Variants in GLT1D1 observed in about 807,000 individuals in gnomAD.
The protein encoded by GLT1D1 is glycosyltransferase 1 domain containing 1.
GLT1D1 carries 21 observed loss-of-function variants against 28.7 expected under a neutral mutation model. That is an observed-to-expected ratio of 0.73 (90% CI 0.52 to 1.05). The LOEUF (loss-of-function observed/expected upper bound fraction) is 1.05. GLT1D1 is among the 50% of genes least tolerant of loss of function. The probability of loss-of-function intolerance (pLI) is 0.00; values close to 1 mark genes in which losing one functional copy is unlikely to be tolerated. For synonymous variants in GLT1D1, 147 were observed against 124.8 expected (o/e 1.18, Z -1.19); for missense variants, 343 against 330.6 (o/e 1.04, Z -0.29).
intron 4 of GLT1D1, among the ~76,000 whole-genome samples, chr12:128,939,519 C>T (rs765843720): frequency 5.9e-5 from 9 of 151,906 alleles, no homozygotes; most frequent in Admixed American, 3.3e-4. Flanking sequence ...CCCAGGAGTT[C>T]GAGACCAGCC....
chr12:128,928,017 A>AAAAC (rs1555270108), intron 4 of GLT1D1, among the ~76,000 whole-genome samples: 1 of 142,084 alleles, frequency 7.0e-6, no homozygotes, highest in Non-Finnish European at 1.5e-5. Context: ...AAAAAAAAAA[A>AAAAC]AAAAAAAACA....
intron 1 of GLT1D1, among the ~76,000 whole-genome samples, chr12:128,860,188 C>T (rs1457302963): frequency 6.6e-6 from 1 of 152,200 alleles, no homozygotes; most frequent in African/African-American, 2.4e-5. Flanking sequence ...TAGGCTGGCG[C>T]GGTGGCTCAC....
intron 4 of GLT1D1, among the ~76,000 whole-genome samples, chr12:128,906,625 CA>C (rs932876437): frequency 1.8e-4 from 27 of 149,856 alleles, no homozygotes; most frequent in Non-Finnish European, 2.7e-4. Flanking sequence ...CAAATTCAAA[CA>C]AAAAAAAGCA....
chr12:128,967,458 G>A (rs1878564123), intron 7 of GLT1D1, among the ~76,000 whole-genome samples: 1 of 152,186 alleles, frequency 6.6e-6, no homozygotes, highest in African/African-American at 2.4e-5. Flanking sequence ...CGGGAGAGTG[G>A]AGATCATGAC....
At chr12:128,915,112 CTCTG>C in intron 4 of GLT1D1, 123 bp downstream of exon 6, 1 of 732,916 alleles carries the variant, frequency 1.4e-6, no homozygotes. Flanking sequence ...GTTCATTTCC[CTCTG>C]TCTGCGGCTT....
At chr12:128,928,032 A>C (rs1435361998) in intron 4 of GLT1D1, among the ~76,000 whole-genome samples, 4 of 147,348 alleles carry the variant, frequency 2.7e-5, no homozygotes, top group Admixed American at 6.8e-5. Flanking sequence ...AAAACAAAAA[A>C]GAATAGAAAA....
chr12:128,968,083 G>A (rs893734857), intron 7 of GLT1D1, among the ~76,000 whole-genome samples: 9 of 152,158 alleles, frequency 5.9e-5, no homozygotes, highest in South Asian at 2.1e-4. Flanking sequence ...TGCAAGCTCC[G>A]CCTCCCGGTT....
chr12:128,858,261 G>A (rs1262864110), intron 1 of GLT1D1, among the ~76,000 whole-genome samples: 1 of 151,978 alleles, frequency 6.6e-6, no homozygotes, highest in Non-Finnish European at 1.5e-5. Context: ...TCTGACTCTG[G>A]CATAACATTA....
chr12:128,949,156 C>T (rs1257884869), intron 6 of GLT1D1, among the ~76,000 whole-genome samples: 4 of 152,158 alleles, frequency 2.6e-5, no homozygotes, highest in African/African-American at 9.7e-5. Flanking sequence ...GTGAACTGCT[C>T]CTTTGTAGGT....
chr12:128,941,905 C>CTTTTTTTTTTTTTTTTTTTTTTTT (rs60663875), intron 4 of GLT1D1, among the ~76,000 whole-genome samples: 20 of 75,348 alleles, frequency 2.7e-4, no homozygotes, highest in Non-Finnish European at 3.1e-4. Context: ...CTCTCTCTCT[C>CTTTTTTTTTTTTTTTTTTTTTTTT]TTTTTTTTTT....
intron 1 of GLT1D1, among the ~76,000 whole-genome samples, chr12:128,874,361 T>C (rs1189685606): frequency 6.6e-6 from 1 of 151,466 alleles, no homozygotes; most frequent in Admixed American, 6.6e-5. Context: ...TTTGTATTTT[T>C]AGTAGAGACA....
chr12:128,899,317 G>C, intron 4 of GLT1D1, 30 bp downstream of exon 4: 1 of 1,597,680 alleles, frequency 6.3e-7, no homozygotes, highest in Non-Finnish European at 8.6e-7. Context: ...TGTTATTTTG[G>C]TTGTGCTGAT....
chr12:128,912,783 C>G (rs376616860), intron 4 of GLT1D1, among the ~76,000 whole-genome samples: 51 of 151,964 alleles, frequency 3.4e-4, no homozygotes, highest in Non-Finnish European at 5.3e-4. Context: ...TAGCCTCAGC[C>G]CCCCCAGTAG....
At chr12:128,934,086 A>G (rs755132841) in intron 4 of GLT1D1, among the ~76,000 whole-genome samples, 3 of 151,900 alleles carry the variant, frequency 2.0e-5, no homozygotes, top group Non-Finnish European at 4.4e-5. Flanking sequence ...ATGAATGAAC[A>G]CACCCTTTAG....
chr12:128,876,123 A>G, intron 2 of GLT1D1, 61 bp downstream of exon 2: 2 of 1,432,798 alleles, frequency 1.4e-6, no homozygotes, highest in Admixed American at 4.1e-5. Context: ...AAGTGCCTGT[A>G]ATGTCCAATA....
intron 4 of GLT1D1, 53 bp from the exon 5 acceptor site, chr12:128,912,371 T>C: frequency 8.5e-7 from 1 of 1,178,702 alleles, no homozygotes; most frequent in Non-Finnish European, 1.2e-6. Context: ...AAAAAGCAGT[T>C]GTCATGCACT....
chr12:128,944,937 T>C (rs1875826219), intron 4 of GLT1D1: 1 of 533,910 alleles, frequency 1.9e-6, no homozygotes, highest in Non-Finnish European at 3.3e-6. Flanking sequence ...CGTAACGCTA[T>C]CCCTCCTCCA....
At chr12:128,881,223 CAAAA>C (rs35871795) in intron 2 of GLT1D1, among the ~76,000 whole-genome samples, 17,206 of 73,460 alleles carry the variant, frequency 0.23, 1,523 homozygotes, top group African/African-American at 0.32. Context: ...GACTCCGTTT[CAAAA>C]AAAAAAAAAA....
At chr12:128,870,227 A>G (rs1189533772) in intron 1 of GLT1D1, among the ~76,000 whole-genome samples, 1 of 152,126 alleles carries the variant, frequency 6.6e-6, no homozygotes, top group African/African-American at 2.4e-5. Context: ...CAAAAAGTAA[A>G]TAAATTTGCA....
Sources: allele counts gnomAD v4.1 joint callset (sites outside exome capture counted in the v4.1 genomes callset), GRCh38; gene constraint gnomAD v4.1.1; transcripts MANE v1.5; gene names NCBI Gene and HGNC (gene_info 2026-07-23, HGNC 2026-07-21).